The following SHKBP1 variants were observed in gnomAD, a reference collection of about 807,000 sequenced individuals.
SHKBP1 encodes the protein SH3KBP1-binding protein 1.
In SHKBP1, 71 loss-of-function variants were observed where a neutral mutation model predicts 83.9. The ratio of observed to expected loss-of-function variants is 0.85; its 90% CI spans 0.70 to 1.03. SHKBP1 has a LOEUF of 1.03. Ranked by LOEUF, SHKBP1 falls within the 50% of genes least tolerant of loss-of-function variation. SHKBP1 has a pLI of 0.00. For missense variants in SHKBP1, 824 were observed against 982.4 expected, an observed-to-expected ratio of 0.84 and a Z score of 2.16; for synonymous variants, 371 against 398.0, an observed-to-expected ratio of 0.93 and a Z score of 0.81.
chr19:40,590,970 CCTCAGCCTCCA>C lies in SHKBP1; in HGVS notation c.1899_1909del (p.His633GlnfsTer18). 9.4e-6 allele frequency: 15 copies of C among 1,598,652 alleles called. No individual in the cohort carries two copies. Among genetic ancestry groups the C allele is most frequent in the South Asian group, 5.5e-5 (5 of 90,218 alleles). Reference sequence around the variant, plus strand: ...TGACGTGCACTTACTGTCCTTACTTCCTCAGCCTCCACTCAGCCTCCAGCAACACCTCCTTG... The same window carrying C: ...TGACGTGCACTTACTGTCCTTACTTCCTCAGCCTCCAGCAACACCTCCTTG... On this transcript the variant is annotated splice_acceptor_variant and splice_polypyrimidine_tract_variant and coding_sequence_variant and intron_variant, in exon 18 of 18. Coordinates refer to ENST00000291842, the MANE Select transcript of SHKBP1 (RefSeq NM_138392.4). LOFTEE classifies it high-confidence loss of function. This position sits in a 1 kb window ranked among gnomAD's most constrained non-coding sequence, Gnocchi z 4.6.
chr19:40,580,942 ACCCCAAG>A lies in SHKBP1; in HGVS notation c.844+9_844+15del. ...AGGCGGTGGCTCCGAGATAGGTATGACCCCAAGCCTTTTCCAGAACCCTCTGTCCTTT... is the reference window on the plus strand; with the variant it reads ...AGGCGGTGGCTCCGAGATAGGTATGACCTTTTCCAGAACCCTCTGTCCTTT... On this transcript the variant is annotated splice_region_variant and intron_variant, in intron 9 of 17. Transcript: ENST00000291842. 2 of 1,526,628 alleles carry A rather than the reference ACCCCAAG, an allele frequency of 1.3e-6. No homozygotes were observed. Among genetic ancestry groups the A allele is most frequent in the Non-Finnish European group, 1.8e-6 (2 of 1,137,476 alleles). The allele number at this position is 1,526,628 out of a possible 1,614,324, so 94.6% of individuals were successfully genotyped here.
intron 12 of SHKBP1, chr19:40,585,527 CT>C (rs2081304243): frequency 7.0e-6 from 1 of 143,548 alleles, no homozygotes; most frequent in Admixed American, 6.9e-5. Context: ...TCTTTTTTTT[CT>C]TTCTTTCTTT....
At chr19:40,586,042 T>A (rs1381464299) in intron 12 of SHKBP1, among the ~76,000 whole-genome samples, 1 of 152,018 alleles carries the variant, frequency 6.6e-6, no homozygotes, top group Non-Finnish European at 1.5e-5. Flanking sequence ...GTAGCTGGGA[T>A]CATAGGTGAA....
chr19:40,587,935 A>G (rs988708777), intron 13 of SHKBP1, among the ~76,000 whole-genome samples: 1 of 152,042 alleles, frequency 6.6e-6, no homozygotes, highest in Non-Finnish European at 1.5e-5. Flanking sequence ...CTAAATCAAC[A>G]CCAGGCAATG....
chr19:40,586,735 G>A (rs1599845610), intron 12 of SHKBP1, 39 bp from the exon 13 acceptor site: 1 of 1,468,128 alleles, frequency 6.8e-7, no homozygotes, highest in Non-Finnish European at 9.1e-7. Flanking sequence ...TTCTGTCTCT[G>A]TGGCCCAGGC....
chr19:40,581,023 C>A, intron 9 of SHKBP1, 87 bp downstream of exon 9: 1 of 1,281,368 alleles, frequency 7.8e-7, no homozygotes, highest in African/African-American at 1.5e-5. Flanking sequence ...TCCTCAAACC[C>A]ATAAGAATTC....
At position 40,583,671 on chromosome 19, in the gene SHKBP1, G is replaced by A. The variant is rs373580394; in HGVS notation, c.1119G>A (p.Ala373=). The stretch of plus-strand genomic sequence containing the variant: ...TCAGCGAGCTCTATCGGGACCCAGC[G>A]GAGGATGGGGTCACCGCCCTCAGTG... ...LLVSELYRDP[A]EDGVTALSVY... The change falls in exon 12 of 18, where the codon GCG becomes GCA. Residue 373 remains alanine, a synonymous_variant. Coordinates refer to ENST00000291842, the MANE Select transcript of SHKBP1 (RefSeq NM_138392.4). 2.6e-5 allele frequency: 42 copies of A among 1,613,350 alleles called. No homozygotes were observed. Among genetic ancestry groups the A allele is most frequent in the African/African-American group, 2.7e-5 (2 of 74,812 alleles).
chr19:40,577,014 T>G, intron 1 of SHKBP1, 29 bp downstream of exon 1: 2 of 1,418,686 alleles, frequency 1.4e-6, no homozygotes, highest in Non-Finnish European at 1.9e-6. Context: ...TGAGGTCCCA[T>G]CCTCGGGGGC....
chr19:40,584,628 C>T (rs1039499174), intron 12 of SHKBP1, among the ~76,000 whole-genome samples: 2 of 152,170 alleles, frequency 1.3e-5, no homozygotes, highest in Non-Finnish European at 2.9e-5. Context: ...AATATGCTTT[C>T]TCTTTTTGTT....
chr19:40,587,788 C>T lies in SHKBP1; in HGVS notation c.1337-836C>T, dbSNP rs1568393595. 2.0e-5 allele frequency among the ~76,000 whole-genome samples: 3 copies of T among 152,174 alleles called. 1 individual carries two copies. In the East Asian group the frequency reaches 5.8e-4, roughly 29 times the overall value. ...GTATGGTGGCATGCACCTGGGGTCC[C>T]AGCTTCTTGGGAGGCTGAGGTGGAG... On this transcript the variant is annotated intron_variant, in intron 13 of 17. Transcript: ENST00000291842.
Position 40,580,764 on chromosome 19 carries a change from C to G in SHKBP1, c.672C>G (p.Gly224=). 8 of 1,610,490 alleles carry G rather than the reference C, an allele frequency of 5.0e-6. No individual in the cohort carries two copies. Among genetic ancestry groups the G allele is most frequent in the Non-Finnish European group, 6.8e-6 (8 of 1,177,710 alleles). Residue 224 remains glycine, a synonymous_variant, in exon 9 of 18, where the codon GGC becomes GGG. Coordinates refer to ENST00000291842, the MANE Select transcript of SHKBP1 (RefSeq NM_138392.4). The stretch of plus-strand genomic sequence containing the variant: ...CCTACAGGTTGAAGGAAGCCTCTGG[C>G]TGGCAGCTGGTGTTTTCCAGCCCCC... ...LVCYRLKEAS[G]WQLVFSSPRL...
chr19:40,588,234 A>C (rs2081327443), intron 13 of SHKBP1, among the ~76,000 whole-genome samples: 1 of 152,200 alleles, frequency 6.6e-6, no homozygotes. Flanking sequence ...CAGGAGCCAC[A>C]GAGGGCTCCG....
At position 40,590,317 on chromosome 19, in the gene SHKBP1, C is replaced by G; in HGVS notation, c.1663C>G (p.Arg555Gly). 6.2e-7 allele frequency: 1 copy of G among 1,609,448 alleles called. No homozygotes were observed. The change falls in exon 16 of 18, where the codon CGG becomes GGG. Residue 555 changes from arginine (R) to glycine (G), a missense_variant. This residue lies in a region of SHKBP1 where 287 missense variants were observed against 322.9 expected (regional missense o/e 0.89). Transcript: ENST00000291842. This position sits in a 1 kb window ranked among gnomAD's most constrained non-coding sequence, Gnocchi z 4.6. ...AGTGCTGGAGTGCGAGGGCTCCCGG[C>G]GGCTCGGCTCTCGGCCCCGGCGCTA... ...FTVLECEGSR[R>G]LGSRPRRYLL...
Position 40,580,937 on chromosome 19 carries a change from G to T in SHKBP1, c.844+1G>T, listed in dbSNP as rs746202370. 9 of 1,546,382 alleles carry T rather than the reference G, an allele frequency of 5.8e-6. No individual in the cohort carries two copies. Among genetic ancestry groups the T allele is most frequent in the African/African-American group, 1.4e-5 (1 of 72,812 alleles). ...GCGGAAGGCGGTGGCTCCGAGATAG[G>T]TATGACCCCAAGCCTTTTCCAGAAC... On this transcript the variant is annotated splice_donor_variant, in intron 9 of 17. Transcript: ENST00000291842. LOFTEE classifies it high-confidence loss of function.
chr19:40,577,104 A>C, intron 1 of SHKBP1, 119 bp downstream of exon 1: 7 of 1,225,162 alleles, frequency 5.7e-6, no homozygotes, highest in Admixed American at 2.2e-5. Context: ...CCCCCTTTGG[A>C]GGCGCGAGAT....
In SHKBP1 at chr19:40,580,828, C is replaced by T. The variant is rs79748402; in HGVS notation, c.736C>T (p.Arg246Trp). Residue 246 changes from arginine (R) to tryptophan (W), a missense_variant, in exon 9 of 18, where the codon CGG (arginine) becomes TGG (tryptophan). Transcript: ENST00000291842. ...CATCGAACGACTGGCGCTCACAGCC[C>T]GGGTGCATGGTGGGGCTTTGGGTGA... ...WPIERLALTARVHGGALGEHD... is the reference protein window; with the variant it reads ...WPIERLALTAWVHGGALGEHD... The T allele has an allele frequency of 8.1e-6, 13 of 1,613,430 alleles. No individual in the cohort carries two copies. The highest frequency in any genetic ancestry group is 1.7e-5 in the Admixed American group (1 of 59,896).
In SHKBP1 at chr19:40,580,649, T is replaced by G. The variant is rs748254712; in HGVS notation, c.646T>G (p.Cys216Gly). Residue 216 changes from cysteine (C) to glycine (G), a missense_variant, in exon 8 of 18, where the codon TGC (cysteine) becomes GGC (glycine). By Grantham distance (159) the Cys-to-Gly change is radical (BLOSUM62 -3). Transcript: ENST00000291842. Reference sequence around the variant, plus strand: ...TGTGGCCTATACCCAGTTTCTAGTCTGCTACAGGTGCTTGGGGAGGGAGTG... The same window carrying G: ...TGTGGCCTATACCCAGTTTCTAGTCGGCTACAGGTGCTTGGGGAGGGAGTG... ...IAVAYTQFLVCYRLKEASGWQ... is the reference protein window; with the variant it reads ...IAVAYTQFLVGYRLKEASGWQ... 55 of 1,614,068 alleles carry G rather than the reference T, an allele frequency of 3.4e-5. No individual in the cohort carries two copies. Among genetic ancestry groups the G allele is most frequent in the Middle Eastern group, 3.3e-4 (2 of 6,084 alleles).
At position 40,590,948 on chromosome 19, in the gene SHKBP1, C is replaced by T. The variant is rs182535516; in HGVS notation, c.1893-28C>T. ...GAGTGGCCCAGCTGCCCCGTGATGACGTGCACTTACTGTCCTTACTTCCTC... is the reference window on the plus strand; with the variant it reads ...GAGTGGCCCAGCTGCCCCGTGATGATGTGCACTTACTGTCCTTACTTCCTC... On this transcript the variant is annotated intron_variant, in intron 17 of 17. Coordinates refer to ENST00000291842, the MANE Select transcript of SHKBP1 (RefSeq NM_138392.4). This position sits in a 1 kb window ranked among gnomAD's most constrained non-coding sequence, Gnocchi z 4.6. 1.6e-4 allele frequency: 248 copies of T among 1,584,070 alleles called. No homozygotes were observed. Among genetic ancestry groups the T allele is most frequent in the Admixed American group, 3.4e-4 (20 of 58,986 alleles).
intron 12 of SHKBP1, among the ~76,000 whole-genome samples, chr19:40,584,443 C>T (rs757284594): frequency 6.6e-6 from 1 of 152,132 alleles, no homozygotes; most frequent in Non-Finnish European, 1.5e-5. Flanking sequence ...AATTCTCATA[C>T]CATAAAATTT....
Sources: gnomAD v4.1 joint callset for allele counts (sites outside exome capture counted in the v4.1 genomes callset) on GRCh38, gnomAD v4.1.1 for gene constraint, gnomAD v4.1.1 regional missense constraint, Gnocchi (gnomAD v3.1) non-coding constraint, MANE v1.5 for transcripts, NCBI Gene and HGNC (gene_info 2026-07-23, HGNC 2026-07-21) for gene names.